The following DNAH6 variants were observed in gnomAD, a reference collection of about 807,000 sequenced individuals.
DNAH6 encodes axonemal beta dynein heavy chain 6.
In DNAH6, 340 loss-of-function variants were observed where a neutral mutation model predicts 491.4. The observed-to-expected ratio is 0.69, with a 90% CI of 0.63 to 0.76. The LOEUF (loss-of-function observed/expected upper bound fraction) is 0.76, where lower values mean the gene tolerates loss of function less well. Among genes scored for constraint, DNAH6 ranks in the 30% least tolerant of loss-of-function variants. The pLI, the probability that DNAH6 is intolerant of heterozygous loss-of-function variation, is 0.00. For synonymous variants in DNAH6, 1,603 were observed against 1,686.1 expected, an observed-to-expected ratio of 0.95 and a Z score of 1.21; for missense variants, 4,443 against 4,972.2, an observed-to-expected ratio of 0.89 and a Z score of 3.20.
chr2:84,760,175 CT>C (rs1270785292), intron 63 of DNAH6, among the ~76,000 whole-genome samples: 1 of 152,108 alleles, frequency 6.6e-6, no homozygotes, highest in African/African-American at 2.4e-5. Context: ...TAAAGATGAA[CT>C]AAAGACTTAA....
intron 29 of DNAH6, among the ~76,000 whole-genome samples, chr2:84,632,459 C>T (rs1349399337): frequency 1.3e-5 from 2 of 152,200 alleles, no homozygotes; most frequent in Non-Finnish European, 2.9e-5. Flanking sequence ...TGACCACAGA[C>T]ATGTTCTCAA....
chr2:84,696,603 C>T (rs1247912066), intron 46 of DNAH6, among the ~76,000 whole-genome samples: 1 of 151,902 alleles, frequency 6.6e-6, no homozygotes, highest in Non-Finnish European at 1.5e-5. Context: ...CTAGTGTTTG[C>T]TCTTGGGGAA....
rs1162541312 is a variant in DNAH6, at chr2:84,753,755, TAAAAAAA to T, written c.10512+8524_10512+8530del. On this transcript the variant is annotated intron_variant, in intron 63 of 76. Coordinates refer to ENST00000389394, the MANE Select transcript of DNAH6 (RefSeq NM_001370.2). ...CTGGGCAACAGGAGTGAAACTCTGT[TAAAAAAA>T]AAAAAAAAAAAAAAAAAGTACAGTT... is the stretch of plus-strand genomic sequence containing the variant. Among the ~76,000 whole-genome samples the T allele has an allele frequency of 2.8e-3, 218 of 77,128 alleles. 1 individual carries two copies. Among genetic ancestry groups the T allele is most frequent in the African/African-American group, 0.011 (194 of 17,580 alleles). 50.6% of individuals were successfully genotyped at this position (77,128 alleles called of 152,430 possible).
chr2:84,493,480 CTT>C, the DNAH6 span, among the ~76,000 whole-genome samples: 1 of 152,184 alleles, frequency 6.6e-6, no homozygotes, highest in South Asian at 2.1e-4. Flanking sequence ...AAATAAATAT[CTT>C]TGTGCCTCTG....
At chr2:84,481,094 C>CAA in the DNAH6 span, among the ~76,000 whole-genome samples, 1 of 152,068 alleles carries the variant, frequency 6.6e-6, no homozygotes. Flanking sequence ...TCAGGACTAA[C>CAA]GGATTGGAAA....
In DNAH6 at chr2:84,677,091, G is replaced by C. The variant is rs935552078; in HGVS notation, c.6699G>C (p.Leu2233=). The stretch of plus-strand genomic sequence containing the variant: ...GCTTCATCAGACACTTCAGCATGCT[G>C]TGCCTCCCAATGCCCTCAGAGCACA... ...TPRFIRHFSM[L]CLPMPSEHSL... is the part of the protein sequence containing the mutation. The change falls in exon 41 of 77, where the codon CTG becomes CTC. Residue 2233 remains leucine, a synonymous_variant. Coordinates refer to ENST00000389394, the MANE Select transcript of DNAH6 (RefSeq NM_001370.2). 21 of 1,551,618 alleles carry C rather than the reference G, an allele frequency of 1.4e-5. No individual in the cohort carries two copies. In the African/African-American group the frequency reaches 1.4e-4, roughly 10 times the overall value.
chr2:84,607,662 TTA>T (rs1244539857), intron 21 of DNAH6, among the ~76,000 whole-genome samples: 1 of 152,184 alleles, frequency 6.6e-6, no homozygotes, highest in African/African-American at 2.4e-5. Context: ...TTTTTAAAAG[TTA>T]TGTTTATAGT....
At chr2:84,742,985 C>A (rs913835598) in intron 62 of DNAH6, among the ~76,000 whole-genome samples, 1 of 152,078 alleles carries the variant, frequency 6.6e-6, no homozygotes, top group Non-Finnish European at 1.5e-5. Context: ...AAAGTGCATT[C>A]CCCCCTAGTC....
At chr2:84,741,526 G>T (rs1471687363) in intron 62 of DNAH6, among the ~76,000 whole-genome samples, 1 of 152,152 alleles carries the variant, frequency 6.6e-6, no homozygotes, top group Non-Finnish European at 1.5e-5. Context: ...GGGCACCTTG[G>T]GCCTGGGGCT....
At chr2:84,679,582 C>CCTGG (rs747182816) in intron 41 of DNAH6, among the ~76,000 whole-genome samples, 5 of 152,144 alleles carry the variant, frequency 3.3e-5, no homozygotes, top group Non-Finnish European at 4.4e-5. Flanking sequence ...AACTAAGAAA[C>CCTGG]CTGGCTGCAT....
chr2:84,618,227 AC>A lies in DNAH6; in HGVS notation c.3572+1246del, dbSNP rs548200512. On this transcript the variant is annotated intron_variant, in intron 23 of 76. Transcript: ENST00000389394. ...GACCACTTTGAGGAAATCTGGAAAT[AC>A]AGGCAGAGGTCTCAGGGAAGTGCCA... 8.5e-5 allele frequency among the ~76,000 whole-genome samples: 13 copies of A among 152,246 alleles called. No homozygotes were observed. In the East Asian group the frequency reaches 2.3e-3, roughly 27 times the overall value.
the DNAH6 span, among the ~76,000 whole-genome samples, chr2:84,474,725 T>C: frequency 3.3e-5 from 5 of 152,178 alleles, no homozygotes; most frequent in African/African-American, 9.7e-5. Context: ...TCAAGGAACT[T>C]TGAAAAACTT....
At chr2:84,815,313 C>T (rs1283051751) in intron 75 of DNAH6, among the ~76,000 whole-genome samples, 2 of 151,812 alleles carry the variant, frequency 1.3e-5, no homozygotes, top group South Asian at 2.1e-4. Context: ...CCAAAGACCT[C>T]GGGCCAGAAA....
At chr2:84,484,354 T>C in the DNAH6 span, among the ~76,000 whole-genome samples, 19 of 152,206 alleles carry the variant, frequency 1.2e-4, no homozygotes, top group African/African-American at 3.9e-4. Context: ...ATTAGAAGAA[T>C]AGGGTAAAGT....
chr2:84,670,285 A>G, intron 38 of DNAH6, 43 bp from the exon 39 acceptor site: 1 of 1,295,384 alleles, frequency 7.7e-7, no homozygotes, highest in South Asian at 1.4e-5. Flanking sequence ...TAACTGAAAG[A>G]GGTTATATTC....
At chr2:84,495,320 G>C in the DNAH6 span, among the ~76,000 whole-genome samples, 1 of 152,136 alleles carries the variant, frequency 6.6e-6, no homozygotes, top group Admixed American at 6.5e-5. Context: ...GCACCACCAT[G>C]CCCTGCTAAT....
chr2:84,620,610 A>C (rs1289370295), intron 24 of DNAH6, among the ~76,000 whole-genome samples: 1 of 152,174 alleles, frequency 6.6e-6, no homozygotes, highest in African/African-American at 2.4e-5. Context: ...TCCAGTAAGA[A>C]CACAGTGGTG....
chr2:84,789,311 A>G (rs1677521636), intron 68 of DNAH6, among the ~76,000 whole-genome samples: 1 of 152,178 alleles, frequency 6.6e-6, no homozygotes, highest in South Asian at 2.1e-4. Context: ...CATTTTACAC[A>G]ATTTTTACTG....
intron 16 of DNAH6, among the ~76,000 whole-genome samples, chr2:84,591,183 C>T (rs1684077352): frequency 6.6e-6 from 1 of 152,142 alleles, no homozygotes; most frequent in Non-Finnish European, 1.5e-5. Context: ...ATATTCTAGA[C>T]ATCTCATATG....
Sources: allele counts gnomAD v4.1 joint callset (sites outside exome capture counted in the v4.1 genomes callset), GRCh38; gene constraint gnomAD v4.1.1; transcripts MANE v1.5; gene names NCBI Gene and HGNC (gene_info 2026-07-23, HGNC 2026-07-21).